The following PELO variants were observed in gnomAD, a reference collection of about 807,000 sequenced individuals.
PELO encodes the protein pelota mRNA surveillance and ribosome rescue factor.
A neutral mutation model predicts 25.9 loss-of-function variants in PELO; 19 were observed. That is an observed-to-expected ratio of 0.73 (90% CI 0.51 to 1.08). The LOEUF (loss-of-function observed/expected upper bound fraction) is 1.08. PELO is among the 50% of genes least tolerant of loss of function. The pLI, the probability that PELO is intolerant of heterozygous loss-of-function variation, is 0.00. For synonymous variants in PELO, 196 were observed against 192.2 expected (o/e 1.02, Z -0.16); for missense variants, 498 against 491.4 (o/e 1.01, Z -0.13).
chr5:52,792,820 T>C (rs1033239690), intron 1 of PELO, among the ~76,000 whole-genome samples: 4 of 152,162 alleles, frequency 2.6e-5, no homozygotes, highest in African/African-American at 9.6e-5. Flanking sequence ...AAAGATATTT[T>C]GAAACTGTTG....
In PELO at chr5:52,800,592, T is replaced by A. The variant is rs751137927; in HGVS notation, c.198T>A (p.Thr66=). 1.9e-6 allele frequency: 3 copies of A among 1,613,592 alleles called. No homozygotes were observed. The highest frequency in any genetic ancestry group is 1.7e-5 in the Admixed American group (1 of 59,992). The change falls in exon 2 of 3, where the codon ACT becomes ACA. Residue 66 remains threonine, a synonymous_variant. Coordinates refer to ENST00000274311, the MANE Select transcript of PELO (RefSeq NM_015946.5). ...VGSNRVRTTL[T]LCVEAIDFDS... ...GCAACCGGGTCCGCACTACCCTCAC[T>A]CTCTGCGTGGAGGCCATCGACTTCG... is the stretch of plus-strand genomic sequence containing the variant.
chr5:52,791,170 T>C (rs1748230511), intron 1 of PELO, among the ~76,000 whole-genome samples: 1 of 152,222 alleles, frequency 6.6e-6, no homozygotes, highest in African/African-American at 2.4e-5. Flanking sequence ...TGTCAAAGTC[T>C]CAGCATAAAC....
Position 52,801,488 on chromosome 5 carries a change from C to T in PELO, c.806C>T (p.Thr269Ile). 2.5e-6 allele frequency: 4 copies of T among 1,614,072 alleles called. No homozygotes were observed. The highest frequency in any genetic ancestry group is 3.3e-4 in the Middle Eastern group (2 of 6,058). Reference sequence around the variant, plus strand: ...ACTGTGGCTAGCCGCCTTTCAGACACTAAAGCTGCTGGGGAAGTCAAAGCC... The same window carrying T: ...ACTGTGGCTAGCCGCCTTTCAGACATTAAAGCTGCTGGGGAAGTCAAAGCC... ...DPTVASRLSD[T>I]KAAGEVKALD... Residue 269 changes from threonine (T) to isoleucine (I), a missense_variant, in exon 3 of 3, where the codon ACT becomes ATT. Transcript: ENST00000274311.
rs200600121 is a variant in PELO at position 52,800,962 on chromosome 5, G to T, written c.568G>T (p.Val190Phe). ...CTTGGAGCGGTTCTATGAACAGGTG[G>T]TCCAGGCTATCCAGCGCCACATACA... is the stretch of plus-strand genomic sequence containing the variant. ...RALERFYEQV[V>F]QAIQRHIHFD... The change falls in exon 2 of 3, where the codon GTC becomes TTC. Residue 190 changes from valine to phenylalanine, a missense_variant. By Grantham distance (50) the Val-to-Phe change is conservative. Transcript: ENST00000274311. 2.5e-6 allele frequency: 4 copies of T among 1,614,222 alleles called. No homozygotes were observed. The East Asian group carries it at 8.9e-5, about 36-fold the overall frequency.
rs766007503 is a variant in PELO, at chr5:52,801,795, C to T, written c.1113C>T (p.Pro371=). The T allele has an allele frequency of 4.0e-5, 64 of 1,613,214 alleles. 1 individual carries two copies. The South Asian group carries it at 6.6e-4, about 17-fold the overall frequency. The change falls in exon 3 of 3, where the codon CCC becomes CCT. Residue 371 remains proline, a synonymous_variant. Transcript: ENST00000274311. ...CTGCCATTCTCCGCTTCCCTGTTCC[C>T]GAACTTTCTGACCAAGAGGGTGATT... ...GVAAILRFPV[P]ELSDQEGDSS...
intron 1 of PELO, among the ~76,000 whole-genome samples, chr5:52,792,097 C>T (rs1024490287): frequency 1.3e-5 from 2 of 152,126 alleles, no homozygotes; most frequent in African/African-American, 4.8e-5. Context: ...TTAAGTGTAA[C>T]TCAAGTAAGA....
rs1748500216 is a variant in PELO at position 52,802,062 on chromosome 5, G to A, written c.*222G>A. 3 of 452,554 alleles carry A rather than the reference G, an allele frequency of 6.6e-6. No homozygotes were observed. In the East Asian group the frequency reaches 1.1e-4, roughly 17 times the overall value. 28.0% of individuals were successfully genotyped at this position (452,554 alleles called of 1,614,324 possible). A position where few individuals can be genotyped will look rare whatever the true frequency, so the allele number is the denominator to read the frequency against. On this transcript the variant is annotated 3_prime_UTR_variant, in exon 3 of 3. Transcript: ENST00000274311. Reference sequence around the variant, plus strand: ...CACGTACTACCATCTTGATTAAATTGTGTAATTTTTTATAGGAATTATGAG... The same window carrying A: ...CACGTACTACCATCTTGATTAAATTATGTAATTTTTTATAGGAATTATGAG...
chr5:52,792,554 T>A, intron 1 of PELO, among the ~76,000 whole-genome samples: 1 of 152,180 alleles, frequency 6.6e-6, no homozygotes, highest in East Asian at 1.9e-4. Context: ...GGCCACAGCT[T>A]ATCACTGATG....
chr5:52,788,754 C>T (rs1748179801), intron 1 of PELO, among the ~76,000 whole-genome samples: 1 of 152,124 alleles, frequency 6.6e-6, no homozygotes, highest in South Asian at 2.1e-4. Flanking sequence ...CCCCTCCACC[C>T]TTTTTTATGG....
chr5:52,798,330 T>C (rs1748386224), intron 1 of PELO, among the ~76,000 whole-genome samples: 1 of 152,118 alleles, frequency 6.6e-6, no homozygotes, highest in South Asian at 2.1e-4. Context: ...AGGCCACAAA[T>C]ATTAATAAGT....
rs1748498122 is a variant in PELO at position 52,801,970 on chromosome 5, G to T, written c.*130G>T. The T allele has an allele frequency of 6.3e-6, 4 of 637,852 alleles. No individual in the cohort carries two copies. Among genetic ancestry groups the T allele is most frequent in the Non-Finnish European group, 7.9e-6 (3 of 378,764 alleles). The allele number at this position is 637,852 out of a possible 1,614,324, so 39.5% of individuals were successfully genotyped here. On this transcript the variant is annotated 3_prime_UTR_variant, in exon 3 of 3. Transcript: ENST00000274311. ...CATACAGGGATTTCTTATGTCTTTG[G>T]CTACACTAGATATTTTGTGATTGGC... is the stretch of plus-strand genomic sequence containing the variant.
intron 1 of PELO, 146 bp downstream of exon 1, chr5:52,788,560 G>A (rs902175597): frequency 1.7e-6 from 1 of 598,638 alleles, no homozygotes; most frequent in East Asian, 3.5e-5. Context: ...GCCAGGCTAC[G>A]GGGCAGGCAG....
Position 52,788,370 on chromosome 5 carries a change from G to C in PELO, c.-555G>C. 1 of 1,510,940 alleles carries C rather than the reference G, an allele frequency of 6.6e-7. No homozygotes were observed. Among genetic ancestry groups the C allele is most frequent in the Non-Finnish European group, 8.8e-7 (1 of 1,134,020 alleles). 93.6% of individuals were successfully genotyped at this position (1,510,940 alleles called of 1,614,324 possible). On this transcript the variant is annotated 5_prime_UTR_variant, in exon 1 of 3. Coordinates refer to ENST00000274311, the MANE Select transcript of PELO (RefSeq NM_015946.5). ...GCTCCGGCCATGGCCCCTCGGCCCC[G>C]CGCCCGCCCAGGGGTCGCTGTCGCC...
At position 52,800,552 on chromosome 5, in the gene PELO, C is replaced by T; in HGVS notation, c.158C>T (p.Thr53Met). The part of the protein sequence containing the change: ...TIRKVQTESS[T>M]GSVGSNRVRT... ...CGCAAGGTACAGACAGAGTCCTCCA[C>T]GGGCAGCGTGGGCAGCAACCGGGTC... is the stretch of plus-strand genomic sequence containing the variant. Residue 53 changes from threonine to methionine, a missense_variant, in exon 2 of 3, where the codon ACG becomes ATG. Physicochemically the swap from Thr to Met is moderately conservative, Grantham distance 81 (BLOSUM62 -1). Transcript: ENST00000274311. 3 of 1,613,760 alleles carry T rather than the reference C, an allele frequency of 1.9e-6. No homozygotes were observed. Among genetic ancestry groups the T allele is most frequent in the Non-Finnish European group, 2.5e-6 (3 of 1,179,812 alleles).
At chr5:52,795,203 C>T (rs1486224810) in intron 1 of PELO, among the ~76,000 whole-genome samples, 4 of 151,694 alleles carry the variant, frequency 2.6e-5, no homozygotes, top group Non-Finnish European at 4.4e-5. Context: ...TGCTGTGTTC[C>T]AGGAGAACAA....
chr5:52,789,377 G>A (rs77518522), intron 1 of PELO, among the ~76,000 whole-genome samples: 1 of 152,072 alleles, frequency 6.6e-6, no homozygotes, highest in Non-Finnish European at 1.5e-5. Flanking sequence ...TTTACTGCTG[G>A]CATGGTTATT....
rs540555767 is a variant in PELO at position 52,803,790 on chromosome 5, G to A, written c.*1950G>A. On this transcript the variant is annotated 3_prime_UTR_variant, in exon 3 of 3. Coordinates refer to ENST00000274311, the MANE Select transcript of PELO (RefSeq NM_015946.5). Reference sequence around the variant, plus strand: ...TTCAGGGATCTTTTGTAGACCTACTGAGACAGGCGCTACCTGTACCAACAT... The same window carrying A: ...TTCAGGGATCTTTTGTAGACCTACTAAGACAGGCGCTACCTGTACCAACAT... 2.6e-5 allele frequency: 4 copies of A among 152,262 alleles called. No individual in the cohort carries two copies. The highest frequency in any genetic ancestry group is 1.3e-4 in the Admixed American group (2 of 15,290). 9.4% of individuals were successfully genotyped at this position (152,262 alleles called of 1,614,324 possible). A position where few individuals can be genotyped will look rare whatever the true frequency, so the allele number is the denominator to read the frequency against.
At chr5:52,793,172 A>G (rs1215458926) in intron 1 of PELO, among the ~76,000 whole-genome samples, 1 of 152,122 alleles carries the variant, frequency 6.6e-6, no homozygotes, top group Non-Finnish European at 1.5e-5. Flanking sequence ...CGGTATTATA[A>G]TTAACTATCT....
intron 2 of PELO, 133 bp downstream of exon 2, chr5:52,801,253 A>G: frequency 8.6e-7 from 1 of 1,157,870 alleles, no homozygotes; most frequent in Non-Finnish European, 1.2e-6. Context: ...AGATAATGAA[A>G]TAAAAAGAGA....
Sources: allele counts gnomAD v4.1 joint callset (sites outside exome capture counted in the v4.1 genomes callset), GRCh38; gene constraint gnomAD v4.1.1; transcripts MANE v1.5; gene names NCBI Gene and HGNC (gene_info 2026-07-23, HGNC 2026-07-21).